Variants in ASAP1 observed in about 807,000 individuals in gnomAD.
ASAP1 encodes arf-GAP with SH3 domain, ANK repeat and PH domain-containing protein 1.
ASAP1 carries 43 observed loss-of-function variants against 145.2 expected under a neutral mutation model. The observed-to-expected ratio is 0.30, with a 90% CI of 0.23 to 0.38. The LOEUF is 0.38. ASAP1 is among the 10% of genes least tolerant of loss of function. The probability of loss-of-function intolerance (pLI) is 1.00; values close to 1 mark genes in which losing one functional copy is unlikely to be tolerated. For missense variants in ASAP1, 1,018 were observed against 1,355.3 expected (o/e 0.75, Z 3.91); for synonymous variants, 546 against 515.5 (o/e 1.06, Z -0.80).
At chr8:130,222,816 A>G (rs1817370730) in intron 4 of ASAP1, among the ~76,000 whole-genome samples, 1 of 152,220 alleles carries the variant, frequency 6.6e-6, no homozygotes, top group African/African-American at 2.4e-5. Context: ...AAGTTGCTCA[A>G]TGTCATACAG....
At chr8:130,151,875 A>AG (rs1343886664) in intron 13 of ASAP1, among the ~76,000 whole-genome samples, 2 of 152,230 alleles carry the variant, frequency 1.3e-5, no homozygotes, top group Non-Finnish European at 2.9e-5. Flanking sequence ...CAGACACCCG[A>AG]GTTTGAACTT....
intron 3 of ASAP1, among the ~76,000 whole-genome samples, chr8:130,294,178 T>G (rs989949543): frequency 6.6e-6 from 1 of 152,190 alleles, no homozygotes; most frequent in East Asian, 1.9e-4. Flanking sequence ...ATAACCAAAA[T>G]GAACTATAGC....
chr8:130,375,961 G>A (rs751030818), intron 2 of ASAP1, among the ~76,000 whole-genome samples: 2 of 152,156 alleles, frequency 1.3e-5, no homozygotes, highest in Admixed American at 6.5e-5. Context: ...TGGGGAAGGC[G>A]GGGAGTTAAT....
chr8:130,218,790 G>T (rs577640252), intron 4 of ASAP1, among the ~76,000 whole-genome samples: 2 of 151,894 alleles, frequency 1.3e-5, no homozygotes, highest in Admixed American at 6.6e-5. Flanking sequence ...TATAGGCTAG[G>T]TCATGGGTCC....
intron 2 of ASAP1, among the ~76,000 whole-genome samples, chr8:130,380,611 G>A (rs1278157237): frequency 6.6e-6 from 1 of 152,200 alleles, no homozygotes; most frequent in Admixed American, 6.5e-5. Flanking sequence ...AAAAGCAATG[G>A]CTGAAGGTGC....
At position 130,401,967 on chromosome 8, in the gene ASAP1, C is replaced by T. The variant is rs777522524; in HGVS notation, c.-24G>A. 2.7e-5 allele frequency: 44 copies of T among 1,610,408 alleles called. No homozygotes were observed. The highest frequency in any genetic ancestry group is 1.1e-4 in the African/African-American group (8 of 74,854). On this transcript the variant is annotated 5_prime_UTR_variant, in exon 2 of 30. Coordinates refer to ENST00000518721, the MANE Select transcript of ASAP1 (RefSeq NM_018482.4). ...ATGTCTCAGCCGTCACATCAGAAAACGACCTGGATAGGGGGCAGGACAAAA... is the reference window on the plus strand; with the variant it reads ...ATGTCTCAGCCGTCACATCAGAAAATGACCTGGATAGGGGGCAGGACAAAA...
intron 1 of ASAP1, among the ~76,000 whole-genome samples, chr8:130,440,922 T>A (rs534025420): frequency 1.3e-5 from 2 of 152,314 alleles, no homozygotes; most frequent in African/African-American, 4.8e-5. Context: ...ATCACTCATC[T>A]GTTAGAGGTT....
chr8:130,288,444 G>A (rs1036207034), intron 3 of ASAP1, among the ~76,000 whole-genome samples: 14 of 152,128 alleles, frequency 9.2e-5, no homozygotes, highest in African/African-American at 3.4e-4. Flanking sequence ...ATCAGGACAT[G>A]TTTTATTTGG....
chr8:130,102,374 A>G (rs2135505687), intron 24 of ASAP1, among the ~76,000 whole-genome samples: 1 of 152,220 alleles, frequency 6.6e-6, no homozygotes, highest in South Asian at 2.1e-4. Flanking sequence ...TTTGTCCTTC[A>G]TTCTGTTGAT....
chr8:130,160,858 T>G (rs1396976150), intron 11 of ASAP1: 17 of 1,174,276 alleles, frequency 1.4e-5, no homozygotes, highest in Non-Finnish European at 1.9e-5. Flanking sequence ...ATAGTTAATT[T>G]CATTGAAAAT....
chr8:130,340,211 C>A (rs931727237), intron 3 of ASAP1, among the ~76,000 whole-genome samples: 1 of 152,192 alleles, frequency 6.6e-6, no homozygotes, highest in East Asian at 1.9e-4. Context: ...AAGGATCCCA[C>A]ACATCTGTGT....
At chr8:130,144,984 A>C (rs1394493216) in intron 13 of ASAP1, among the ~76,000 whole-genome samples, 1 of 152,232 alleles carries the variant, frequency 6.6e-6, no homozygotes, top group Admixed American at 6.5e-5. Flanking sequence ...CACTCAAATC[A>C]ACATTAAACA....
intron 2 of ASAP1, among the ~76,000 whole-genome samples, chr8:130,400,883 A>C (rs1442974410): frequency 6.6e-6 from 1 of 152,134 alleles, no homozygotes; most frequent in Non-Finnish European, 1.5e-5. Flanking sequence ...TGAATGTAGA[A>C]ATTCTTTTTT....
chr8:130,214,836 A>T lies in ASAP1; in HGVS notation c.260-135T>A, dbSNP rs1213119982. 7.0e-6 allele frequency: 5 copies of T among 716,468 alleles called. No individual in the cohort carries two copies. The East Asian group carries it at 1.4e-4, about 19-fold the overall frequency. The allele number at this position is 716,468 out of a possible 1,614,324, so 44.4% of individuals were successfully genotyped here. A position where few individuals can be genotyped will look rare whatever the true frequency, so the allele number is the denominator to read the frequency against. On this transcript the variant is annotated intron_variant, in intron 4 of 29. Coordinates refer to ENST00000518721, the MANE Select transcript of ASAP1 (RefSeq NM_018482.4). ...TCAATTATTTATTGCACATGTCCCA[A>T]AGGTTAGGTTAGGAGTACACTAAAT...
At chr8:130,236,079 C>T (rs551907081) in intron 4 of ASAP1, among the ~76,000 whole-genome samples, 3 of 152,018 alleles carry the variant, frequency 2.0e-5, no homozygotes, top group Admixed American at 6.6e-5. Context: ...TTAGCAAGGA[C>T]GAAAGCCCAC....
intron 13 of ASAP1, among the ~76,000 whole-genome samples, chr8:130,151,325 T>C (rs772054954): frequency 8.4e-6 from 1 of 118,772 alleles, no homozygotes; most frequent in Non-Finnish European, 1.6e-5. Flanking sequence ...GAGCCAAGAC[T>C]GCACCACTGC....
rs777029351 is a variant in ASAP1 at position 130,060,635 on chromosome 8, C to T, written c.3136G>A (p.Asp1046Asn). 9.4e-5 allele frequency: 152 copies of T among 1,613,956 alleles called. No individual in the cohort carries two copies. The highest frequency in any genetic ancestry group is 2.0e-4 in the East Asian group (9 of 44,898). ...IQKQASEDSN[D>N]LTPTLPETPV... ...GTCTCTGGCAGAGTAGGCGTGAGGTCGTTGGAGTCTTCAGATGCTTGCTTT... is the reference window on the plus strand; with the variant it reads ...GTCTCTGGCAGAGTAGGCGTGAGGTTGTTGGAGTCTTCAGATGCTTGCTTT... The change falls in exon 28 of 30, where the codon GAC becomes AAC. Residue 1046 changes from aspartate to asparagine, a missense_variant. By Grantham distance (23) the Asp-to-Asn change is conservative. Coordinates refer to ENST00000518721, the MANE Select transcript of ASAP1 (RefSeq NM_018482.4).
intron 2 of ASAP1, among the ~76,000 whole-genome samples, chr8:130,377,842 C>G (rs1216599606): frequency 6.6e-6 from 1 of 152,176 alleles, no homozygotes; most frequent in African/African-American, 2.4e-5. Context: ...TCTCTCTCAC[C>G]CCTTCAGACC....
At chr8:130,167,465 G>T in intron 11 of ASAP1, 71 bp downstream of exon 11, 1 of 1,230,178 alleles carries the variant, frequency 8.1e-7, no homozygotes, top group South Asian at 1.2e-5. Context: ...TGCAGATCAG[G>T]AAACACAAAG....
Sources: allele counts gnomAD v4.1 joint callset (sites outside exome capture counted in the v4.1 genomes callset), GRCh38; gene constraint gnomAD v4.1.1; transcripts MANE v1.5; gene names NCBI Gene and HGNC (gene_info 2026-07-23, HGNC 2026-07-21).